NFIB: variants seen among roughly 807,000 people sequenced by gnomAD.
The protein encoded by NFIB is nuclear factor I B, also known as nuclear factor 1 B-type.
A neutral mutation model predicts 61.5 loss-of-function variants in NFIB; 11 were observed. The observed-to-expected ratio is 0.18, with a 90% confidence interval of 0.11 to 0.30. NFIB has a LOEUF of 0.30. Ranked by LOEUF, NFIB falls within the 10% of genes least tolerant of loss-of-function variation. NFIB has a pLI of 1.00. For synonymous variants in NFIB, 260 were observed against 216.5 expected (o/e 1.20, Z -1.76); for missense variants, 471 against 608.9 (o/e 0.77, Z 2.38).
At chr9:14,100,718 C>T (rs996508631) in intron 10 of NFIB, among the ~76,000 whole-genome samples, 3 of 152,176 alleles carry the variant, frequency 2.0e-5, no homozygotes, top group Non-Finnish European at 2.9e-5. Context: ...CGTCTCAAAA[C>T]AAAAACATTA....
intron 1 of NFIB, among the ~76,000 whole-genome samples, chr9:14,353,925 G>C (rs1199225228): frequency 6.7e-6 from 1 of 150,366 alleles, no homozygotes; most frequent in Non-Finnish European, 1.5e-5. Context: ...GCCTGGTGCA[G>C]TGGAAAGTAC....
At chr9:14,251,556 C>T (rs185518331) in intron 2 of NFIB, among the ~76,000 whole-genome samples, 40 of 152,304 alleles carry the variant, frequency 2.6e-4, no homozygotes, top group African/African-American at 8.9e-4. Context: ...TTCTCCTGAC[C>T]AGAATAACCA....
intron 1 of NFIB, among the ~76,000 whole-genome samples, chr9:14,342,815 A>C (rs1405633223): frequency 6.6e-6 from 1 of 152,194 alleles, no homozygotes; most frequent in Non-Finnish European, 1.5e-5. Flanking sequence ...GTTTTATAAC[A>C]TCGATGCTTC....
At chr9:14,409,590 C>T in the NFIB span, among the ~76,000 whole-genome samples, 3 of 152,174 alleles carry the variant, frequency 2.0e-5, no homozygotes, top group Non-Finnish European at 2.9e-5. Flanking sequence ...GAAAGGGGAG[C>T]GGCAACACTC....
the NFIB span, among the ~76,000 whole-genome samples, chr9:14,477,310 G>A: frequency 6.6e-6 from 1 of 152,156 alleles, no homozygotes; most frequent in Non-Finnish European, 1.5e-5. Flanking sequence ...TATATATAAA[G>A]TGAAAATTAA....
chr9:14,493,987 C>T, the NFIB span, among the ~76,000 whole-genome samples: 1 of 152,138 alleles, frequency 6.6e-6, no homozygotes. Context: ...AGGCACCATC[C>T]CTGAGCATAA....
chr9:14,167,497 C>T (rs769502538), intron 3 of NFIB, among the ~76,000 whole-genome samples: 1 of 152,148 alleles, frequency 6.6e-6, no homozygotes, highest in Non-Finnish European at 1.5e-5. Context: ...CACACCACTG[C>T]ACTCCAGACC....
At chr9:14,341,673 A>G (rs923563837) in intron 1 of NFIB, among the ~76,000 whole-genome samples, 7 of 152,146 alleles carry the variant, frequency 4.6e-5, no homozygotes, top group African/African-American at 1.7e-4. Flanking sequence ...AGACCCATGG[A>G]AAAAGGAAGT....
the NFIB span, among the ~76,000 whole-genome samples, chr9:14,483,112 C>T: frequency 1.3e-5 from 2 of 152,248 alleles, no homozygotes; most frequent in African/African-American, 2.4e-5. Context: ...TGAATCATAA[C>T]CTCCTGCTTA....
At chr9:14,269,092 T>C (rs960832339) in intron 2 of NFIB, among the ~76,000 whole-genome samples, 3 of 151,952 alleles carry the variant, frequency 2.0e-5, no homozygotes, top group Admixed American at 1.3e-4. Context: ...TTTTTTTTAC[T>C]AACAGTGGCT....
At chr9:14,185,620 C>A (rs549258370) in intron 2 of NFIB, among the ~76,000 whole-genome samples, 48 of 152,240 alleles carry the variant, frequency 3.2e-4, no homozygotes, top group African/African-American at 1.1e-3. Context: ...GGGATAGGGC[C>A]TGGCACATTT....
intron 1 of NFIB, among the ~76,000 whole-genome samples, chr9:14,334,296 A>T (rs1196321091): frequency 6.6e-6 from 1 of 152,202 alleles, no homozygotes; most frequent in Admixed American, 6.5e-5. Flanking sequence ...TGCCAAATGG[A>T]TTTCCAAAGT....
At chr9:14,523,564 T>TA in the NFIB span, among the ~76,000 whole-genome samples, 1 of 152,108 alleles carries the variant, frequency 6.6e-6, no homozygotes, top group African/African-American at 2.4e-5. Context: ...ACTGAAGCCT[T>TA]ACACTGGAAA....
intron 2 of NFIB, among the ~76,000 whole-genome samples, chr9:14,274,470 G>T (rs184996720): frequency 6.6e-6 from 1 of 152,096 alleles, no homozygotes; most frequent in Non-Finnish European, 1.5e-5. Flanking sequence ...TCTGTGTGCT[G>T]GGCTGAGCAG....
At chr9:14,380,186 C>T (rs1255230663) in intron 1 of NFIB, among the ~76,000 whole-genome samples, 2 of 152,184 alleles carry the variant, frequency 1.3e-5, no homozygotes, top group African/African-American at 4.8e-5. Context: ...GAATGACAGG[C>T]AGCACCACAA....
intron 1 of NFIB, among the ~76,000 whole-genome samples, chr9:14,386,477 G>C (rs662526): frequency 0.72 from 110,054 of 152,078 alleles, 40,177 homozygotes; most frequent in East Asian, 0.77. Flanking sequence ...ACTATCTTAC[G>C]CTACAGGACC....
intron 2 of NFIB, among the ~76,000 whole-genome samples, chr9:14,258,482 T>C (rs2132209120): frequency 6.6e-6 from 1 of 152,358 alleles, no homozygotes; most frequent in Middle Eastern, 3.4e-3. Context: ...AGAACTATCT[T>C]ATAAACTTTT....
chr9:14,495,446 C>CTTTTTTTTTTTTTTTTTTT, the NFIB span, among the ~76,000 whole-genome samples: 165 of 117,224 alleles, frequency 1.4e-3, 13 homozygotes, highest in African/African-American at 3.8e-3. Context: ...GAGAAATGAA[C>CTTTTTTTTTTTTTTTTTTT]TTTTTTTTTT....
At chr9:14,385,193 T>A (rs2061535456) in intron 1 of NFIB, among the ~76,000 whole-genome samples, 1 of 152,152 alleles carries the variant, frequency 6.6e-6, no homozygotes, top group Non-Finnish European at 1.5e-5. Flanking sequence ...TGTGTCATTA[T>A]TTCACCCACT....
Sources: gnomAD v4.1 joint callset for allele counts (sites outside exome capture counted in the v4.1 genomes callset) on GRCh38, gnomAD v4.1.1 for gene constraint, MANE v1.5 for transcripts, NCBI Gene and HGNC (gene_info 2026-07-23, HGNC 2026-07-21) for gene names.